Variants in SETD4 observed in about 807,000 individuals in gnomAD.
The protein encoded by SETD4 is SET domain containing 4.
In SETD4, 46 loss-of-function variants were observed where a neutral mutation model predicts 58.3. The observed-to-expected ratio is 0.79, with a 90% CI of 0.62 to 1.01. The LOEUF (loss-of-function observed/expected upper bound fraction) is 1.01, where lower values mean the gene tolerates loss of function less well. Among genes scored for constraint, SETD4 ranks in the 50% least tolerant of loss-of-function variants. The probability of loss-of-function intolerance (pLI) is 0.00; values close to 1 mark genes in which losing one functional copy is unlikely to be tolerated. For synonymous variants in SETD4, 190 were observed against 202.6 expected (o/e 0.94, Z 0.53); for missense variants, 490 against 523.3 (o/e 0.94, Z 0.62).
chr21:36,056,968 G>T, intron 3 of SETD4, 141 bp downstream of exon 3: 1 of 684,812 alleles, frequency 1.5e-6, no homozygotes, highest in Non-Finnish European at 2.6e-6. Flanking sequence ...ATACACAGGG[G>T]ACTCCTCCTC....
intron 10 of SETD4, chr21:36,036,577 A>C: frequency 1.1e-6 from 1 of 897,742 alleles, no homozygotes; most frequent in African/African-American, 1.8e-5. Flanking sequence ...TGTCTGGCTT[A>C]TTTCATTTCC....
intron 3 of SETD4, among the ~76,000 whole-genome samples, chr21:36,055,609 G>A (rs2835261): frequency 0.33 from 50,145 of 151,960 alleles, 8,601 homozygotes; most frequent in African/African-American, 0.42. Context: ...CTGAAGCCCA[G>A]AAATGTTACC....
chr21:36,050,641 C>T, intron 4 of SETD4: 2 of 1,607,966 alleles, frequency 1.2e-6, no homozygotes, highest in Non-Finnish European at 1.7e-6. Flanking sequence ...GAAAATTTTG[C>T]TAAAATGATT....
intron 9 of SETD4, among the ~76,000 whole-genome samples, 156 bp downstream of exon 9, chr21:36,040,419 G>A (rs1186495433): frequency 6.6e-6 from 1 of 152,176 alleles, no homozygotes; most frequent in Admixed American, 6.5e-5. Context: ...TCGCTACATG[G>A]GCAAGTTACA....
chr21:36,054,228 T>C (rs965483065), intron 3 of SETD4, among the ~76,000 whole-genome samples: 1 of 152,220 alleles, frequency 6.6e-6, no homozygotes, highest in Admixed American at 6.5e-5. Context: ...ACAGTCACCA[T>C]AGTAACCTCA....
At chr21:36,039,628 T>C (rs773267727) in intron 9 of SETD4, among the ~76,000 whole-genome samples, 54 of 152,152 alleles carry the variant, frequency 3.5e-4, no homozygotes, top group Non-Finnish European at 2.9e-4. Context: ...ACTAGGTACG[T>C]TTGCATGCAC....
rs1555860866 is a variant in SETD4, at chr21:36,038,141, G to A, written c.1188+9C>T. On this transcript the variant is annotated intron_variant, in intron 10 of 11. Transcript: ENST00000332131. ...ACTTCTTTAAGGATGTCATATTCTA[G>A]AAACATACCTTTTGAAGCACAGCAT... 6.2e-7 allele frequency: 1 copy of A among 1,608,448 alleles called. No individual in the cohort carries two copies.
chr21:36,044,358 C>T (rs1207119940), intron 6 of SETD4, among the ~76,000 whole-genome samples: 1 of 152,254 alleles, frequency 6.6e-6, no homozygotes, highest in African/African-American at 2.4e-5. Context: ...TGTATTTTCA[C>T]AATCCTTTCA....
Position 36,045,991 on chromosome 21 carries a change from G to T in SETD4, c.317C>A (p.Pro106His). 1 of 1,612,762 alleles carries T rather than the reference G, an allele frequency of 6.2e-7. No homozygotes were observed. Among genetic ancestry groups the T allele is most frequent in the Middle Eastern group, 1.7e-4 (1 of 6,056 alleles). Reference protein sequence around the residue: ...YITKWKPPPSPLLALCTFLVS... With the variant: ...YITKWKPPPSHLLALCTFLVS... ...TAAAAAGGTGCACAGCGCCAGCAGAGGAGATGGAGGAGGCTTCCACCTTTG... is the reference window on the plus strand; with the variant it reads ...TAAAAAGGTGCACAGCGCCAGCAGATGAGATGGAGGAGGCTTCCACCTTTG... The change falls in exon 6 of 12, where the codon CCT (proline) becomes CAT (histidine). Residue 106 changes from proline to histidine, a missense_variant. By Grantham distance (77) the Pro-to-His change is moderately conservative. Transcript: ENST00000332131.
chr21:36,040,490 T>C lies in SETD4; in HGVS notation c.1064+85A>G, dbSNP rs535265809. On this transcript the variant is annotated intron_variant, in intron 9 of 11. Coordinates refer to ENST00000332131, the MANE Select transcript of SETD4 (RefSeq NM_017438.5). ...TTTCCTCCCTGGCTGGGTATCTGAA[T>C]GCAAGCCAAAAACAAACAAACCAAC... is the stretch of plus-strand genomic sequence containing the variant. 3.6e-5 allele frequency: 42 copies of C among 1,180,804 alleles called. No individual in the cohort carries two copies. The East Asian group carries it at 9.2e-4, about 26-fold the overall frequency. 73.1% of individuals were successfully genotyped at this position (1,180,804 alleles called of 1,614,324 possible).
At chr21:36,048,266 G>C in intron 5 of SETD4, 42 bp downstream of exon 5, 2 of 1,531,248 alleles carry the variant, frequency 1.3e-6, no homozygotes, top group Non-Finnish European at 1.8e-6. Context: ...AGACCTTAAG[G>C]AGAAGCACTT....
chr21:36,057,123 G>A lies in SETD4; in HGVS notation c.155C>T (p.Pro52Leu). 1 of 1,614,068 alleles carries A rather than the reference G, an allele frequency of 6.2e-7. No homozygotes were observed. Among genetic ancestry groups the A allele is most frequent in the Non-Finnish European group, 8.5e-7 (1 of 1,179,946 alleles). Residue 52 changes from proline (P) to leucine (L), a missense_variant, in exon 3 of 12, where the codon CCT becomes CTT. Pro to Leu is a moderately conservative substitution (Grantham distance 98). Coordinates refer to ENST00000332131, the MANE Select transcript of SETD4 (RefSeq NM_017438.5). Reference protein sequence around the residue: ...ARKFQDSNLAPACFPGTGRGL... With the variant: ...ARKFQDSNLALACFPGTGRGL... ...CTAGATCTTACCTGGAAAACAAGCA[G>A]GCGCTAAGTTTGAATCTTGAAACTT...
rs1328018207 is a variant in SETD4, at chr21:36,035,070, G to A, written c.*923C>T. 6.6e-6 allele frequency: 1 copy of A among 152,162 alleles called. No individual in the cohort carries two copies. The highest frequency in any genetic ancestry group is 1.5e-5 in the Non-Finnish European group (1 of 68,048). 9.4% of individuals were successfully genotyped at this position (152,162 alleles called of 1,614,324 possible). On this transcript the variant is annotated 3_prime_UTR_variant, in exon 12 of 12. Coordinates refer to ENST00000332131, the MANE Select transcript of SETD4 (RefSeq NM_017438.5). ...TGAGTTCTTGGGAAGAATGAACCCT[G>A]GGAGGGTAAACAGGACTCTGGGCAA... is the stretch of plus-strand genomic sequence containing the variant.
At chr21:36,050,667 C>CCGGA in intron 4 of SETD4, 1 of 1,601,026 alleles carries the variant, frequency 6.2e-7, no homozygotes, top group Non-Finnish European at 8.6e-7. Flanking sequence ...AGCTCAAGTA[C>CCGGA]CGGAGTTCCC....
At position 36,050,152 on chromosome 21, in the gene SETD4, A is replaced by C. The variant is rs1568928056; in HGVS notation, c.208-1756T>G. 9.0e-6 allele frequency: 8 copies of C among 887,806 alleles called. No homozygotes were observed. The East Asian group carries it at 1.4e-4, about 16-fold the overall frequency. 55.0% of individuals were successfully genotyped at this position (887,806 alleles called of 1,614,324 possible). A position where few individuals can be genotyped will look rare whatever the true frequency, so the allele number is the denominator to read the frequency against. On this transcript the variant is annotated intron_variant, in intron 4 of 11. Transcript: ENST00000332131. ...CTATATCTGGCTGTTCATCTTCCAT[A>C]ATCAACTGGTAGATGTTACATCCAA...
intron 6 of SETD4, among the ~76,000 whole-genome samples, 157 bp downstream of exon 6, chr21:36,045,425 A>G (rs1347996174): frequency 6.6e-6 from 1 of 152,180 alleles, no homozygotes; most frequent in Non-Finnish European, 1.5e-5. Context: ...GTCTAGAAGA[A>G]CAACAGGAGC....
chr21:36,036,523 C>G, intron 10 of SETD4: 1 of 575,316 alleles, frequency 1.7e-6, no homozygotes, highest in Non-Finnish European at 2.2e-6. Flanking sequence ...CTCACCTGTT[C>G]CAGGAACCTC....
At chr21:36,055,205 A>C (rs947580261) in intron 3 of SETD4, among the ~76,000 whole-genome samples, 2 of 152,248 alleles carry the variant, frequency 1.3e-5, no homozygotes, top group African/African-American at 4.8e-5. Flanking sequence ...ATTCTCTCCA[A>C]ACATATATAT....
Position 36,041,701 on chromosome 21 carries a change from T to G in SETD4, c.983+106A>C, listed in dbSNP as rs540715730. On this transcript the variant is annotated intron_variant, in intron 8 of 11. Coordinates refer to ENST00000332131, the MANE Select transcript of SETD4 (RefSeq NM_017438.5). ...AAGTGCTCAATACCTACCCGTCAGC[T>G]GATACAGGGTCAGGAGGGGTCTCAC... 20 of 713,342 alleles carry G rather than the reference T, an allele frequency of 2.8e-5. No individual in the cohort carries two copies. The African/African-American group carries it at 3.3e-4, about 12-fold the overall frequency. 44.2% of individuals were successfully genotyped at this position (713,342 alleles called of 1,614,324 possible). A position where few individuals can be genotyped will look rare whatever the true frequency, so the allele number is the denominator to read the frequency against.
Sources: allele counts gnomAD v4.1 joint callset (sites outside exome capture counted in the v4.1 genomes callset), GRCh38; gene constraint gnomAD v4.1.1; transcripts MANE v1.5; gene names NCBI Gene and HGNC (gene_info 2026-07-23, HGNC 2026-07-21).